COL12A1: variants seen among roughly 807,000 people sequenced by gnomAD.
COL12A1 encodes collagen type XII alpha 1 chain, also known as collagen alpha-1(XII) chain.
COL12A1 carries 114 observed loss-of-function variants against 349.7 expected under a neutral mutation model. That is an observed-to-expected ratio of 0.33 (90% CI 0.28 to 0.38). The LOEUF (loss-of-function observed/expected upper bound fraction) is 0.38, where lower values mean the gene tolerates loss of function less well. COL12A1 is among the 10% of genes least tolerant of loss of function. COL12A1 has a pLI of 1.00. For missense variants in COL12A1, 3,284 were observed against 3,756.9 expected (o/e 0.87, Z 3.29); for synonymous variants, 1,369 against 1,329.0 (o/e 1.03, Z -0.66).
intron 58 of COL12A1, among the ~76,000 whole-genome samples, chr6:75,097,850 C>T (rs1768128148): frequency 1.3e-5 from 2 of 152,114 alleles, no homozygotes; most frequent in South Asian, 4.2e-4. Context: ...CCCTTTGGTG[C>T]GTTCTCTGCA....
chr6:75,198,233 A>G (rs1178000719), intron 2 of COL12A1, among the ~76,000 whole-genome samples: 2 of 152,162 alleles, frequency 1.3e-5, no homozygotes, highest in Non-Finnish European at 2.9e-5. Flanking sequence ...CTGAGGTTGC[A>G]ATTTTTTGAA....
In COL12A1 at chr6:75,194,954, A is replaced by T. The variant is rs774409767; in HGVS notation, c.74-7T>A. 1 of 1,500,508 alleles carries T rather than the reference A, an allele frequency of 6.7e-7. No homozygotes were observed. The highest frequency in any genetic ancestry group is 1.2e-5 in the South Asian group (1 of 84,226). 92.9% of individuals were successfully genotyped at this position (1,500,508 alleles called of 1,614,324 possible). On this transcript the variant is annotated splice_polypyrimidine_tract_variant and splice_region_variant and intron_variant, in intron 2 of 65. Transcript: ENST00000322507. ...AAGTCTGAAGGTGGGTCAACTGCAA[A>T]AGAGAGAGTTTATATTATTAAACTT... is the stretch of plus-strand genomic sequence containing the variant.
At chr6:75,191,510 A>G (rs1769928620) in intron 5 of COL12A1, among the ~76,000 whole-genome samples, 191 bp downstream of exon 5, 1 of 152,094 alleles carries the variant, frequency 6.6e-6, no homozygotes, top group Non-Finnish European at 1.5e-5. Context: ...AAAACTAGCT[A>G]GAATGTCAGA....
chr6:75,181,234 AGT>A, intron 10 of COL12A1, 23 bp from the exon 11 acceptor site: 1 of 1,556,414 alleles, frequency 6.4e-7, no homozygotes, highest in Non-Finnish European at 8.7e-7. Flanking sequence ...AAAAAAAGAC[AGT>A]TAAAAATGCT....
In COL12A1 at chr6:75,106,509, A is replaced by G; in HGVS notation, c.8101-13T>C. On this transcript the variant is annotated splice_polypyrimidine_tract_variant and intron_variant, in intron 52 of 65. Coordinates refer to ENST00000322507, the MANE Select transcript of COL12A1 (RefSeq NM_004370.6). ...TCTGGATTTGGAACTGCAAACAACC[A>G]ACAGCAACATCAGCTAAAGATGCAT... 6.2e-7 allele frequency: 1 copy of G among 1,613,272 alleles called. No individual in the cohort carries two copies. Among genetic ancestry groups the G allele is most frequent in the Non-Finnish European group, 8.5e-7 (1 of 1,179,296 alleles).
At chr6:75,174,998 A>G in intron 13 of COL12A1, 40 bp downstream of exon 13, 1 of 1,606,582 alleles carries the variant, frequency 6.2e-7, no homozygotes, top group Non-Finnish European at 8.5e-7. Context: ...CAGCACCACA[A>G]ACAAGTTCCT....
At chr6:75,141,187 C>T (rs1766874938) in intron 27 of COL12A1, among the ~76,000 whole-genome samples, 1 of 152,158 alleles carries the variant, frequency 6.6e-6, no homozygotes, top group South Asian at 2.1e-4. Flanking sequence ...ACACTGCTGG[C>T]TCTAGGCCTC....
rs570176359 is a variant in COL12A1 at position 75,098,459 on chromosome 6, G to A, written c.8524-1153C>T. On this transcript the variant is annotated intron_variant, in intron 58 of 65. Transcript: ENST00000322507. Reference sequence around the variant, plus strand: ...GCTTAAGCCCAGGAGTTCAAGACCAGCCTGGGCAACATAAGAAGACCCTGT... The same window carrying A: ...GCTTAAGCCCAGGAGTTCAAGACCAACCTGGGCAACATAAGAAGACCCTGT... 5.3e-5 allele frequency among the ~76,000 whole-genome samples: 8 copies of A among 152,280 alleles called. No individual in the cohort carries two copies. The South Asian group carries it at 1.4e-3, about 28-fold the overall frequency.
chr6:75,191,180 C>G (rs192116668), intron 5 of COL12A1, among the ~76,000 whole-genome samples: 6 of 152,036 alleles, frequency 3.9e-5, no homozygotes, highest in Admixed American at 3.9e-4. Flanking sequence ...CAGAGACTCT[C>G]AAAAAGGTTA....
At chr6:75,138,610 C>A in intron 28 of COL12A1, 30 bp from the exon 29 acceptor site, 3 of 1,609,068 alleles carry the variant, frequency 1.9e-6, no homozygotes, top group African/African-American at 1.3e-5. Context: ...AACATACCCA[C>A]GCAAAAGTAA....
intron 57 of COL12A1, 120 bp from the exon 58 acceptor site, chr6:75,101,773 C>T: frequency 8.5e-7 from 1 of 1,169,976 alleles, no homozygotes; most frequent in Non-Finnish European, 1.2e-6. Flanking sequence ...AACAGGAGAA[C>T]AGAGCCAAGC....
intron 64 of COL12A1, among the ~76,000 whole-genome samples, chr6:75,088,860 G>A (rs551484954): frequency 6.6e-6 from 1 of 151,968 alleles, no homozygotes; most frequent in Admixed American, 6.6e-5. Context: ...AATTAGCCAG[G>A]CGTGGTGGCG....
rs188358118 is a variant in COL12A1 at position 75,136,670 on chromosome 6, T to C, written c.5394+767A>G. On this transcript the variant is annotated intron_variant, in intron 31 of 65. Coordinates refer to ENST00000322507, the MANE Select transcript of COL12A1 (RefSeq NM_004370.6). ...CTGTACCTCACCAAAACTGGAGATT[T>C]ATTTTGAAATGAATCAGAAAACATA... Among the ~76,000 whole-genome samples, 128 of 152,344 alleles carry C rather than the reference T, an allele frequency of 8.4e-4. 1 individual carries two copies. Among genetic ancestry groups the C allele is most frequent in the Non-Finnish European group, 2.8e-4 (19 of 68,028 alleles).
At position 75,092,992 on chromosome 6, in the gene COL12A1, G is replaced by A. The variant is rs1310017754; in HGVS notation, c.8650-1467C>T. Among the ~76,000 whole-genome samples, 4 of 152,182 alleles carry A rather than the reference G, an allele frequency of 2.6e-5. No individual in the cohort carries two copies. The East Asian group carries it at 7.7e-4, about 29-fold the overall frequency. ...TCATTCATGCTGTTTCCTCTGCCTG[G>A]AACCCTCTTTCCATAGATCAAATAG... is the stretch of plus-strand genomic sequence containing the variant. On this transcript the variant is annotated intron_variant, in intron 60 of 65. Coordinates refer to ENST00000322507, the MANE Select transcript of COL12A1 (RefSeq NM_004370.6).
At position 75,154,301 on chromosome 6, in the gene COL12A1, T is replaced by G. The variant is rs1767641406; in HGVS notation, c.3565+115A>C. ...TTGCTAAGTATGTAAATTATTGAAATAAATTTTAGTGTAAAATTTGTATCA... is the reference window on the plus strand; with the variant it reads ...TTGCTAAGTATGTAAATTATTGAAAGAAATTTTAGTGTAAAATTTGTATCA... On this transcript the variant is annotated intron_variant, in intron 17 of 65. Transcript: ENST00000322507. 8 of 1,222,230 alleles carry G rather than the reference T, an allele frequency of 6.5e-6. No homozygotes were observed. The Admixed American group carries it at 2.3e-4, about 35-fold the overall frequency. The allele number at this position is 1,222,230 out of a possible 1,614,324, so 75.7% of individuals were successfully genotyped here. A position where few individuals can be genotyped will look rare whatever the true frequency, so the allele number is the denominator to read the frequency against.
chr6:75,132,372 A>G (rs1766349726), intron 34 of COL12A1, among the ~76,000 whole-genome samples: 1 of 152,212 alleles, frequency 6.6e-6, no homozygotes, highest in Non-Finnish European at 1.5e-5. Flanking sequence ...GAGAAAAGAA[A>G]TAGGAAAAGT....
In COL12A1 at chr6:75,191,246, A is replaced by G. The variant is rs143786342; in HGVS notation, c.394+455T>C. The stretch of plus-strand genomic sequence containing the variant: ...ACCTAGAGAAGAGCATAACATACAC[A>G]CAGACTTAGAAAAGTATTTTCATGG... On this transcript the variant is annotated intron_variant, in intron 5 of 65. Transcript: ENST00000322507. 6.6e-3 allele frequency among the ~76,000 whole-genome samples: 997 copies of G among 152,166 alleles called. 7 individuals carry two copies. The highest frequency in any genetic ancestry group is 0.023 in the African/African-American group (957 of 41,566).
chr6:75,118,200 G>C (rs1374602210), intron 46 of COL12A1, among the ~76,000 whole-genome samples: 1 of 152,052 alleles, frequency 6.6e-6, no homozygotes, highest in African/African-American at 2.4e-5. Flanking sequence ...AAATCTACCA[G>C]GAGTCACAAA....
intron 48 of COL12A1, 40 bp from the exon 49 acceptor site, chr6:75,115,962 T>C (rs1185673096): frequency 6.2e-7 from 1 of 1,612,434 alleles, no homozygotes; most frequent in East Asian, 2.2e-5. Context: ...GAGTACATTT[T>C]AATTATTTTA....
Sources: gnomAD v4.1 joint callset for allele counts (sites outside exome capture counted in the v4.1 genomes callset) on GRCh38, gnomAD v4.1.1 for gene constraint, MANE v1.5 for transcripts, NCBI Gene and HGNC (gene_info 2026-07-23, HGNC 2026-07-21) for gene names.